PAQR3: variants seen among roughly 807,000 people sequenced by gnomAD.
PAQR3 encodes the protein progestin and adipoQ receptor family member 3, also known as Raf kinase trapping to Golgi.
PAQR3 carries 39 observed loss-of-function variants against 41.7 expected under a neutral mutation model. The observed-to-expected ratio is 0.93, with a 90% CI of 0.72 to 1.22. PAQR3 has a LOEUF of 1.22. Among genes scored for constraint, PAQR3 ranks in the 50% most tolerant of loss-of-function variants. The probability of loss-of-function intolerance (pLI) is 0.00; values close to 1 mark genes in which losing one functional copy is unlikely to be tolerated. For missense variants in PAQR3, 366 were observed against 385.6 expected, an observed-to-expected ratio of 0.95 and a Z score of 0.42; for synonymous variants, 140 against 140.6, an observed-to-expected ratio of 1.00 and a Z score of 0.03.
At chr4:78,935,041 G>A in intron 2 of PAQR3, 80 bp downstream of exon 2, 2 of 1,376,578 alleles carry the variant, frequency 1.5e-6, no homozygotes, top group African/African-American at 1.4e-5. Flanking sequence ...CAAGTGGTAG[G>A]TCTGAGGTAA....
At chr4:78,910,182 CATGCTTG>C (rs533182174), downstream of PAQR3, among the ~76,000 whole-genome samples, 449 of 152,258 alleles carry the variant, frequency 2.9e-3, 4 homozygotes, top group South Asian at 0.011. Flanking sequence ...GCAGGCTGTT[CATGCTTG>C]TTGATCTCTA....
chr4:78,939,242 G>C lies in PAQR3; in HGVS notation c.-18C>G. ...TGATGCATCGTTCCCGGCCGCCGCC[G>C]CTCCCCGGCTCGGGAGCTCCCCCAG... On this transcript the variant is annotated 5_prime_UTR_variant, in exon 1 of 6. Transcript: ENST00000512733. 8 of 1,570,598 alleles carry C rather than the reference G, an allele frequency of 5.1e-6. No individual in the cohort carries two copies. Among genetic ancestry groups the C allele is most frequent in the Non-Finnish European group, 5.2e-6 (6 of 1,161,676 alleles).
chr4:78,889,220 CAAAA>C (rs71661191), intron 11 of PAQR3, among the ~76,000 whole-genome samples: 1 of 53,752 alleles, frequency 1.9e-5, no homozygotes, highest in Non-Finnish European at 4.0e-5. Context: ...GACTCTGTCT[CAAAA>C]AAAAAAAAAA....
intron 2 of PAQR3, among the ~76,000 whole-genome samples, chr4:78,933,548 C>A (rs1355882543): frequency 6.6e-6 from 1 of 152,056 alleles, no homozygotes; most frequent in African/African-American, 2.4e-5. Context: ...CTCAAGTGAA[C>A]AAGTTATAAT....
rs1465113193 is a variant in PAQR3 at position 78,919,531 on chromosome 4, C to T, written c.*1008G>A. 9.1e-6 allele frequency: 9 copies of T among 985,108 alleles called. No homozygotes were observed. The East Asian group carries it at 1.0e-3, about 112-fold the overall frequency. 61.0% of individuals were successfully genotyped at this position (985,108 alleles called of 1,614,324 possible). On this transcript the variant is annotated 3_prime_UTR_variant, in exon 6 of 6. Transcript: ENST00000512733. Reference sequence around the variant, plus strand: ...CATGCAGAAACCGAGGACCAGAGCACAGGTGAATAAGATTATTATCAAATG... The same window carrying T: ...CATGCAGAAACCGAGGACCAGAGCATAGGTGAATAAGATTATTATCAAATG...
At chr4:78,890,171 T>C (rs1207488862) in intron 11 of PAQR3, among the ~76,000 whole-genome samples, 1 of 151,258 alleles carries the variant, frequency 6.6e-6, no homozygotes, top group South Asian at 2.1e-4. Flanking sequence ...AGATTTGAAA[T>C]GGAAAAAAAA....
chr4:78,912,988 AATTTT>A lies in PAQR3; in HGVS notation c.*7546_*7550del, dbSNP rs745946850. 3.0e-4 allele frequency: 46 copies of A among 152,312 alleles called. No individual in the cohort carries two copies. Among genetic ancestry groups the A allele is most frequent in the African/African-American group, 8.9e-4 (37 of 41,580 alleles). The allele number at this position is 152,312 out of a possible 1,614,324, so 9.4% of individuals were successfully genotyped here. ...AATTGGAGGACAAGGGTTGTATAAAAATTTTATTTTATGAAGAAAATATGTAGCGG... is the reference window on the plus strand; with the variant it reads ...AATTGGAGGACAAGGGTTGTATAAAAATTTTATGAAGAAAATATGTAGCGG... On this transcript the variant is annotated 3_prime_UTR_variant, in exon 6 of 6. Coordinates refer to ENST00000512733, the MANE Select transcript of PAQR3 (RefSeq NM_001040202.2).
chr4:78,933,776 T>C (rs1737154123), intron 2 of PAQR3, among the ~76,000 whole-genome samples: 1 of 152,236 alleles, frequency 6.6e-6, no homozygotes, highest in African/African-American at 2.4e-5. Flanking sequence ...TTTTGCAATG[T>C]ATTGTTTTCT....
intron 1 of PAQR3, among the ~76,000 whole-genome samples, chr4:78,937,745 T>C (rs1344753475): frequency 6.6e-6 from 1 of 152,204 alleles, no homozygotes; most frequent in Non-Finnish European, 1.5e-5. Context: ...GATACTAAAG[T>C]CTTTGACTCA....
In PAQR3 at chr4:78,913,298, TTG is replaced by T. The variant is rs1734765811; in HGVS notation, c.*7239_*7240del. The T allele has an allele frequency of 1.3e-5, 2 of 152,184 alleles. No homozygotes were observed. The highest frequency in any genetic ancestry group is 2.1e-4 in the South Asian group (1 of 4,832). 9.4% of individuals were successfully genotyped at this position (152,184 alleles called of 1,614,324 possible). ...CTAGCATCTTAATTCTGCTAGTTGA[TTG>T]TGTCTTTACTGAAAAGAACCCAGCT... is the stretch of plus-strand genomic sequence containing the variant. On this transcript the variant is annotated 3_prime_UTR_variant, in exon 6 of 6. Transcript: ENST00000512733.
chr4:78,893,678 T>A (rs991871479), intron 11 of PAQR3, among the ~76,000 whole-genome samples: 2 of 152,214 alleles, frequency 1.3e-5, no homozygotes, highest in African/African-American at 4.8e-5. Flanking sequence ...TCCTCCCGCC[T>A]CAGCATCCCA....
At position 78,919,343 on chromosome 4, in the gene PAQR3, T is replaced by C; in HGVS notation, c.*1196A>G. 2 of 983,448 alleles carry C rather than the reference T, an allele frequency of 2.0e-6. No homozygotes were observed. The highest frequency in any genetic ancestry group is 9.4e-5 in the South Asian group (2 of 21,240). The allele number at this position is 983,448 out of a possible 1,614,324, so 60.9% of individuals were successfully genotyped here. On this transcript the variant is annotated 3_prime_UTR_variant, in exon 6 of 6. Coordinates refer to ENST00000512733, the MANE Select transcript of PAQR3 (RefSeq NM_001040202.2). ...TTTTATGAATGTCTACTTTAAGGGA[T>C]TTAACTAATGCATATGAAAGACCAA...
At chr4:78,937,404 C>A (rs914232949) in intron 1 of PAQR3, among the ~76,000 whole-genome samples, 1 of 152,148 alleles carries the variant, frequency 6.6e-6, no homozygotes, top group Non-Finnish European at 1.5e-5. Flanking sequence ...TCTCTTCTTC[C>A]GTCTTTCGAA....
chr4:78,916,481 G>A lies in PAQR3; in HGVS notation c.*4058C>T, dbSNP rs1392957636. On this transcript the variant is annotated 3_prime_UTR_variant, in exon 6 of 6. Coordinates refer to ENST00000512733, the MANE Select transcript of PAQR3 (RefSeq NM_001040202.2). Reference sequence around the variant, plus strand: ...AACATTAAGCACCTATTATGTAGCAGCTAGTGGAATAGAAAAGTTGCTAAG... The same window carrying A: ...AACATTAAGCACCTATTATGTAGCAACTAGTGGAATAGAAAAGTTGCTAAG... 6.6e-6 allele frequency: 1 copy of A among 151,948 alleles called. No individual in the cohort carries two copies. The highest frequency in any genetic ancestry group is 1.9e-4 in the East Asian group (1 of 5,180). 9.4% of individuals were successfully genotyped at this position (151,948 alleles called of 1,614,324 possible).
rs751565338 is a variant in PAQR3, at chr4:78,923,840, A to G, written c.793+17T>C. Reference sequence around the variant, plus strand: ...TTTAGACTAACAATACAAAACTGCTATAAAAGAGATACCTACCTGGAAAGT... The same window carrying G: ...TTTAGACTAACAATACAAAACTGCTGTAAAAGAGATACCTACCTGGAAAGT... On this transcript the variant is annotated intron_variant, in intron 5 of 5. Coordinates refer to ENST00000512733, the MANE Select transcript of PAQR3 (RefSeq NM_001040202.2). The G allele has an allele frequency of 3.2e-6, 5 of 1,550,710 alleles. No homozygotes were observed. The highest frequency in any genetic ancestry group is 4.5e-6 in the Non-Finnish European group (5 of 1,122,352).
At chr4:78,923,636 TA>T in intron 5 of PAQR3, 1 of 559,420 alleles carries the variant, frequency 1.8e-6, no homozygotes, top group Non-Finnish European at 3.2e-6. Flanking sequence ...TTCATAACCA[TA>T]AAACAGTGAC....
At chr4:78,924,021 G>T (rs1735940483) in intron 4 of PAQR3, 74 bp from the exon 5 acceptor site, 3 of 1,120,170 alleles carry the variant, frequency 2.7e-6, no homozygotes, top group East Asian at 2.4e-5. Context: ...GAATCTAATA[G>T]TGGGATTTAA....
In PAQR3 at chr4:78,919,483, G is replaced by A; in HGVS notation, c.*1056C>T. On this transcript the variant is annotated 3_prime_UTR_variant, in exon 6 of 6. Coordinates refer to ENST00000512733, the MANE Select transcript of PAQR3 (RefSeq NM_001040202.2). ...AATATTAAGTGTTTATCAAGATTCT[G>A]AGTTATCAATGCAATGCTAACACAT... 2.0e-6 allele frequency: 2 copies of A among 984,992 alleles called. No individual in the cohort carries two copies. Among genetic ancestry groups the A allele is most frequent in the Non-Finnish European group, 2.4e-6 (2 of 829,714 alleles). The allele number at this position is 984,992 out of a possible 1,614,324, so 61.0% of individuals were successfully genotyped here.
downstream of PAQR3, among the ~76,000 whole-genome samples, chr4:78,907,852 G>A (rs944607989): frequency 2.6e-5 from 4 of 152,146 alleles, no homozygotes; most frequent in East Asian, 1.9e-4. Context: ...GTGAGCAGGC[G>A]TGAGGTGTGA....
Sources: gnomAD v4.1 joint callset for allele counts (sites outside exome capture counted in the v4.1 genomes callset) on GRCh38, gnomAD v4.1.1 for gene constraint, MANE v1.5 for transcripts, NCBI Gene and HGNC (gene_info 2026-07-23, HGNC 2026-07-21) for gene names.